The following TPRG1 variants were observed in gnomAD, a reference collection of about 807,000 sequenced individuals.
The protein encoded by TPRG1 is tumor protein p63 regulated 1.
In TPRG1, 29 loss-of-function variants were observed where a neutral mutation model predicts 29.3. The observed-to-expected ratio is 0.99, with a 90% CI of 0.74 to 1.35. TPRG1 has a LOEUF of 1.35. Among genes scored for constraint, TPRG1 ranks in the 40% most tolerant of loss-of-function variants. TPRG1 has a pLI of 0.00. For synonymous variants in TPRG1, 130 were observed against 116.8 expected, an observed-to-expected ratio of 1.11 and a Z score of -0.73; for missense variants, 327 against 335.0, an observed-to-expected ratio of 0.98 and a Z score of 0.19.
At chr3:189,120,461 G>A (rs1721699180) in intron 1 of TPRG1, 1 of 152,102 alleles carries the variant, frequency 6.6e-6, no homozygotes, top group African/African-American at 2.4e-5. Context: ...GTAGATTCTG[G>A]ACAAAGAGTC....
intron 1 of TPRG1, among the ~76,000 whole-genome samples, chr3:189,177,430 A>G (rs1018493755): frequency 1.1e-4 from 16 of 151,566 alleles, no homozygotes; most frequent in Non-Finnish European, 1.5e-5. Flanking sequence ...CTATACATAT[A>G]TATGTATACA....
intron 3 of TPRG1, among the ~76,000 whole-genome samples, chr3:189,021,534 T>G (rs905310287): frequency 1.3e-5 from 2 of 152,306 alleles, no homozygotes; most frequent in African/African-American, 4.8e-5. Context: ...GAAAATTCTT[T>G]TCTTTAAGAA....
At chr3:189,137,122 C>T (rs1337064135) in intron 3 of TPRG1, among the ~76,000 whole-genome samples, 1 of 152,138 alleles carries the variant, frequency 6.6e-6, no homozygotes, top group Non-Finnish European at 1.5e-5. Context: ...ATTCTGAATC[C>T]AAGACTGTGA....
intron 3 of TPRG1, among the ~76,000 whole-genome samples, chr3:189,139,977 T>G (rs1438395428): frequency 6.6e-6 from 1 of 152,198 alleles, no homozygotes; most frequent in Non-Finnish European, 1.5e-5. Context: ...GCTCTTCTAT[T>G]GGATCTTGAC....
chr3:189,308,910 AAG>A (rs983568627), intron 4 of TPRG1, among the ~76,000 whole-genome samples: 102 of 152,288 alleles, frequency 6.7e-4, no homozygotes, highest in African/African-American at 2.3e-3. Flanking sequence ...CCAGAAAAAA[AAG>A]AGCTGGGGGA....
intron 1 of TPRG1, among the ~76,000 whole-genome samples, chr3:189,108,474 T>C (rs1001858529): frequency 3.3e-5 from 5 of 152,068 alleles, no homozygotes; most frequent in African/African-American, 7.2e-5. Flanking sequence ...TTTTCTCTGA[T>C]TATTTTTTAC....
intron 4 of TPRG1, among the ~76,000 whole-genome samples, chr3:189,093,512 G>A (rs1488990464): frequency 6.6e-6 from 1 of 152,124 alleles, no homozygotes; most frequent in African/African-American, 2.4e-5. Context: ...TGAATGAAAT[G>A]GTCTCTTATT....
intron 5 of TPRG1, among the ~76,000 whole-genome samples, chr3:189,152,253 A>G (rs1024822740): frequency 6.6e-6 from 1 of 152,148 alleles, no homozygotes; most frequent in Non-Finnish European, 1.5e-5. Context: ...TTTAATTACC[A>G]TAGTCCCTTG....
chr3:189,200,177 G>A (rs1274481374), intron 1 of TPRG1, among the ~76,000 whole-genome samples: 1 of 152,196 alleles, frequency 6.6e-6, no homozygotes, highest in African/African-American at 2.4e-5. Context: ...GAGCTGGGAA[G>A]GGAGAAAGCC....
At chr3:188,997,929 TC>T (rs1711884491) in intron 1 of TPRG1, among the ~76,000 whole-genome samples, 1 of 152,116 alleles carries the variant, frequency 6.6e-6, no homozygotes, top group South Asian at 2.1e-4. Context: ...TTTACATAGA[TC>T]CTTTCTCTAC....
intron 4 of TPRG1, among the ~76,000 whole-genome samples, chr3:189,080,833 G>T (rs1342892603): frequency 6.6e-6 from 1 of 151,876 alleles, no homozygotes; most frequent in Non-Finnish European, 1.5e-5. Flanking sequence ...GTCATGATCT[G>T]GTATGCTAGT....
At chr3:189,079,033 A>C (rs1717410012) in intron 4 of TPRG1, among the ~76,000 whole-genome samples, 1 of 152,242 alleles carries the variant, frequency 6.6e-6, no homozygotes, top group Admixed American at 6.5e-5. Flanking sequence ...TATAAGAAGC[A>C]TAGTGCTCAC....
intron 4 of TPRG1, among the ~76,000 whole-genome samples, chr3:189,259,269 G>T (rs1712525622): frequency 6.6e-6 from 1 of 151,794 alleles, no homozygotes; most frequent in South Asian, 2.1e-4. Context: ...CTGACCCCTT[G>T]GGCTTCCCAG....
At chr3:189,172,230 C>T (rs1460820398) in intron 1 of TPRG1, 99 bp downstream of exon 1, 2 of 152,282 alleles carry the variant, frequency 1.3e-5, no homozygotes, top group African/African-American at 4.8e-5. Flanking sequence ...GTCACCTCCC[C>T]CACTGACTTG....
chr3:189,285,764 G>A (rs1204223111), intron 4 of TPRG1, among the ~76,000 whole-genome samples: 1 of 152,152 alleles, frequency 6.6e-6, no homozygotes, highest in Admixed American at 6.5e-5. Context: ...AACTCGAATT[G>A]TCCAGTTGTA....
At chr3:189,037,090 T>A (rs1714319674) in intron 4 of TPRG1, among the ~76,000 whole-genome samples, 1 of 151,044 alleles carries the variant, frequency 6.6e-6, no homozygotes, top group South Asian at 2.1e-4. Flanking sequence ...TCATACAAGT[T>A]GTCCTAGATA....
chr3:189,193,472 C>T (rs749963687), intron 1 of TPRG1, among the ~76,000 whole-genome samples: 9 of 152,056 alleles, frequency 5.9e-5, no homozygotes, highest in Non-Finnish European at 1.2e-4. Flanking sequence ...ACTTGGGAAG[C>T]TTTCAGCTTT....
At chr3:189,150,111 G>T (rs1057342757) in intron 4 of TPRG1, among the ~76,000 whole-genome samples, 2 of 152,198 alleles carry the variant, frequency 1.3e-5, no homozygotes, top group African/African-American at 2.4e-5. Context: ...ACAGCAAATG[G>T]AAATGCAGTT....
intron 1 of TPRG1, among the ~76,000 whole-genome samples, chr3:189,103,047 GC>G (rs1719388939): frequency 6.6e-6 from 1 of 152,128 alleles, no homozygotes. Context: ...TAATTCCAGA[GC>G]ACCTGGTACC....
Sources: allele counts gnomAD v4.1 joint callset (sites outside exome capture counted in the v4.1 genomes callset), GRCh38; gene constraint gnomAD v4.1.1; transcripts MANE v1.5; gene names NCBI Gene and HGNC (gene_info 2026-07-23, HGNC 2026-07-21).